Variants in EYA4 observed in about 807,000 individuals in gnomAD.
EYA4 encodes protein phosphatase EYA4.
A neutral mutation model predicts 87.9 loss-of-function variants in EYA4; 31 were observed. The ratio of observed to expected loss-of-function variants is 0.35; its 90% confidence interval spans 0.27 to 0.48. The LOEUF (loss-of-function observed/expected upper bound fraction) is 0.48. Among genes scored for constraint, EYA4 ranks in the 20% least tolerant of loss-of-function variants. The pLI is 0.99. For synonymous variants in EYA4, 263 were observed against 270.6 expected, an observed-to-expected ratio of 0.97 and a Z score of 0.28; for missense variants, 678 against 761.4, an observed-to-expected ratio of 0.89 and a Z score of 1.29.
chr6:133,283,838 C>T (rs1293501900), intron 2 of EYA4, among the ~76,000 whole-genome samples: 1 of 152,198 alleles, frequency 6.6e-6, no homozygotes, highest in African/African-American at 2.4e-5. Context: ...CCTGCCCACC[C>T]TTCTCCAGTG....
chr6:133,246,695 C>G (rs1338648939), intron 1 of EYA4, among the ~76,000 whole-genome samples: 2 of 152,060 alleles, frequency 1.3e-5, no homozygotes, highest in Non-Finnish European at 2.9e-5. Flanking sequence ...TACAATTTGG[C>G]TGTCATTATT....
At chr6:133,484,818 G>C (rs902836542) in intron 13 of EYA4, among the ~76,000 whole-genome samples, 1 of 152,174 alleles carries the variant, frequency 6.6e-6, no homozygotes, top group African/African-American at 2.4e-5. Context: ...ACCATGAGGT[G>C]TTACACCTAA....
At chr6:133,331,852 G>A (rs139251560) in intron 2 of EYA4, among the ~76,000 whole-genome samples, 2 of 152,328 alleles carry the variant, frequency 1.3e-5, no homozygotes, top group African/African-American at 4.8e-5. Context: ...GGACAAAAAT[G>A]TCGCCTTTTA....
chr6:133,490,267 A>G (rs922766313), intron 13 of EYA4, among the ~76,000 whole-genome samples: 3 of 152,160 alleles, frequency 2.0e-5, no homozygotes, highest in Non-Finnish European at 4.4e-5. Context: ...GAAACCACAA[A>G]ACAACCAGCA....
rs1260208486 is a variant in EYA4 at position 133,530,148 on chromosome 6, G to A, written c.*1343G>A. The A allele has an allele frequency of 1.0e-6, 1 of 985,038 alleles. No individual in the cohort carries two copies. The highest frequency in any genetic ancestry group is 1.2e-6 in the Non-Finnish European group (1 of 829,676). 61.0% of individuals were successfully genotyped at this position (985,038 alleles called of 1,614,324 possible). ...ATATCATCATAAATTAAATTAGCAA[G>A]TGCGCTGGATCTTGGCAGCGCTGCT... is the stretch of plus-strand genomic sequence containing the variant. On this transcript the variant is annotated 3_prime_UTR_variant, in exon 20 of 20. Coordinates refer to ENST00000355286, the MANE Select transcript of EYA4 (RefSeq NM_004100.5).
Position 133,529,555 on chromosome 6 carries a change from T to G in EYA4, c.*750T>G, listed in dbSNP as rs538007180. ...ACAAAAAAAAAAACCTTTGTGATGA[T>G]TCTTAACATGACCAAATTTAAAAGT... On this transcript the variant is annotated 3_prime_UTR_variant, in exon 20 of 20. Coordinates refer to ENST00000355286, the MANE Select transcript of EYA4 (RefSeq NM_004100.5). 2.0e-6 allele frequency: 2 copies of G among 983,318 alleles called. No homozygotes were observed. Among genetic ancestry groups the G allele is most frequent in the Non-Finnish European group, 2.4e-6 (2 of 828,176 alleles). 60.9% of individuals were successfully genotyped at this position (983,318 alleles called of 1,614,324 possible). A position where few individuals can be genotyped will look rare whatever the true frequency, so the allele number is the denominator to read the frequency against.
intron 5 of EYA4, chr6:133,453,470 A>G (rs1793637599): frequency 6.6e-6 from 1 of 152,072 alleles, no homozygotes; most frequent in Admixed American, 6.6e-5. Flanking sequence ...TGTCTTAATA[A>G]ATCAGCTAAT....
At chr6:133,255,516 T>C (rs1357706560) in intron 1 of EYA4, among the ~76,000 whole-genome samples, 1 of 152,198 alleles carries the variant, frequency 6.6e-6, no homozygotes, top group Admixed American at 6.6e-5. Flanking sequence ...AAAATACGGA[T>C]ATATTTAAAG....
chr6:133,283,702 G>T (rs1777810664), intron 2 of EYA4, among the ~76,000 whole-genome samples: 1 of 152,114 alleles, frequency 6.6e-6, no homozygotes, highest in Admixed American at 6.5e-5. Context: ...AGTTTAAGGG[G>T]TACAAGTGTG....
rs768724484 is a variant in EYA4 at position 133,383,517 on chromosome 6, C to CAAAAAAAAAAAAAAAAAAA, written c.83+1086_83+1104dup. On this transcript the variant is annotated intron_variant, in intron 3 of 19. Coordinates refer to ENST00000355286, the MANE Select transcript of EYA4 (RefSeq NM_004100.5). ...TGGGCGACAGAGCGAGACTCCATCTCAAAAAAAAAAAAAAAAAAAAAAAAA... is the reference window on the plus strand; with the variant it reads ...TGGGCGACAGAGCGAGACTCCATCTCAAAAAAAAAAAAAAAAAAAAAAAAAAAAAAAAAAAAAAAAAAAA... Among the ~76,000 whole-genome samples, 2 of 45,240 alleles carry CAAAAAAAAAAAAAAAAAAA rather than the reference C, an allele frequency of 4.4e-5. 1 individual carries two copies. The highest frequency in any genetic ancestry group is 7.3e-5 in the Non-Finnish European group (2 of 27,296). 29.7% of individuals were successfully genotyped at this position (45,240 alleles called of 152,430 possible). A position where few individuals can be genotyped will look rare whatever the true frequency, so the allele number is the denominator to read the frequency against.
intron 11 of EYA4, 151 bp downstream of exon 11, chr6:133,468,882 T>C: frequency 1.3e-6 from 1 of 778,540 alleles, no homozygotes; most frequent in Non-Finnish European, 2.2e-6. Context: ...AAGACGAGGC[T>C]CTTCTGGCAT....
At chr6:133,434,400 A>G (rs1463592422) in intron 3 of EYA4, among the ~76,000 whole-genome samples, 2 of 152,164 alleles carry the variant, frequency 1.3e-5, no homozygotes, top group African/African-American at 4.8e-5. Flanking sequence ...AGGCTGTTTT[A>G]TTGTCTGTGT....
At chr6:133,384,634 C>G (rs1786538195) in intron 3 of EYA4, among the ~76,000 whole-genome samples, 1 of 152,162 alleles carries the variant, frequency 6.6e-6, no homozygotes, top group Non-Finnish European at 1.5e-5. Flanking sequence ...GACAGGTCTC[C>G]TCTCCTGACC....
At chr6:133,286,200 G>A (rs1352190535) in intron 2 of EYA4, among the ~76,000 whole-genome samples, 1 of 152,180 alleles carries the variant, frequency 6.6e-6, no homozygotes, top group East Asian at 1.9e-4. Context: ...TATGAAGAAC[G>A]CTGGATTGCT....
chr6:133,513,769 A>G (rs1799362150), intron 16 of EYA4, among the ~76,000 whole-genome samples: 1 of 152,104 alleles, frequency 6.6e-6, no homozygotes, highest in Non-Finnish European at 1.5e-5. Context: ...AAAATTTGCT[A>G]TTAGGTCACA....
chr6:133,253,457 A>G lies in EYA4; in HGVS notation c.-66+11708A>G, dbSNP rs531282183. ...ACCCCACAGAGTATTCAAGTCACAT[A>G]TCTCCTTTCTCAGGTTGATTCTTTG... On this transcript the variant is annotated intron_variant, in intron 1 of 19. Coordinates refer to ENST00000355286, the MANE Select transcript of EYA4 (RefSeq NM_004100.5). Among the ~76,000 whole-genome samples the G allele has an allele frequency of 8.5e-5, 13 of 152,146 alleles. 1 individual carries two copies. In the South Asian group the frequency reaches 1.9e-3, roughly 22 times the overall value.
chr6:133,529,882 T>C lies in EYA4; in HGVS notation c.*1077T>C. The C allele has an allele frequency of 1.0e-6, 1 of 985,400 alleles. No individual in the cohort carries two copies. The highest frequency in any genetic ancestry group is 1.2e-6 in the Non-Finnish European group (1 of 829,894). The allele number at this position is 985,400 out of a possible 1,614,324, so 61.0% of individuals were successfully genotyped here. A position where few individuals can be genotyped will look rare whatever the true frequency, so the allele number is the denominator to read the frequency against. The stretch of plus-strand genomic sequence containing the variant: ...AGTTTTGAGGTTGAGACTTTTGATA[T>C]GTGTAAGTTGCATAGAGGAGGATAT... On this transcript the variant is annotated 3_prime_UTR_variant, in exon 20 of 20. Coordinates refer to ENST00000355286, the MANE Select transcript of EYA4 (RefSeq NM_004100.5).
chr6:133,388,264 G>A (rs969864969), intron 3 of EYA4, among the ~76,000 whole-genome samples: 6 of 151,860 alleles, frequency 4.0e-5, no homozygotes, highest in Admixed American at 2.6e-4. Context: ...AAAATTAGTA[G>A]GGCATAGTGG....
At chr6:133,242,852 C>T (rs542046696) in intron 1 of EYA4, among the ~76,000 whole-genome samples, 27 of 152,218 alleles carry the variant, frequency 1.8e-4, no homozygotes, top group African/African-American at 6.5e-4. Flanking sequence ...CCTATGAAGA[C>T]AACGGATTTG....
Sources: allele counts gnomAD v4.1 joint callset (sites outside exome capture counted in the v4.1 genomes callset), GRCh38; gene constraint gnomAD v4.1.1; transcripts MANE v1.5; gene names NCBI Gene and HGNC (gene_info 2026-07-23, HGNC 2026-07-21).